VPS8: variants seen among roughly 807,000 people sequenced by gnomAD.
The protein encoded by VPS8 is VPS8 subunit of CORVET complex, also known as vacuolar protein sorting-associated protein 8 homolog.
VPS8 carries 129 observed loss-of-function variants against 216.4 expected under a neutral mutation model. The observed-to-expected ratio is 0.60, with a 90% CI of 0.52 to 0.69. The LOEUF is 0.69. Among genes scored for constraint, VPS8 ranks in the 30% least tolerant of loss-of-function variants. VPS8 has a pLI of 0.00. For synonymous variants in VPS8, 571 were observed against 565.4 expected, an observed-to-expected ratio of 1.01 and a Z score of -0.14; for missense variants, 1,531 against 1,683.5, an observed-to-expected ratio of 0.91 and a Z score of 1.59.
At chr3:184,868,742 G>A (rs1462404758) in intron 18 of VPS8, among the ~76,000 whole-genome samples, 1 of 152,086 alleles carries the variant, frequency 6.6e-6, no homozygotes, top group Non-Finnish European at 1.5e-5. Context: ...TAGGCCCCGT[G>A]GCTCTCTATA....
intron 34 of VPS8, among the ~76,000 whole-genome samples, chr3:184,931,279 A>G (rs1578302520): frequency 6.6e-6 from 1 of 152,182 alleles, no homozygotes; most frequent in African/African-American, 2.4e-5. Context: ...TATTTTATCT[A>G]TTCTGTTTAT....
chr3:184,934,679 T>G (rs531414630), intron 34 of VPS8, among the ~76,000 whole-genome samples: 1 of 152,348 alleles, frequency 6.6e-6, no homozygotes, highest in Non-Finnish European at 1.5e-5. Flanking sequence ...TGTGTTAAAT[T>G]TTATTGGTAT....
intron 8 of VPS8, among the ~76,000 whole-genome samples, chr3:184,845,874 G>GT (rs145207366): frequency 0.027 from 4,086 of 150,716 alleles, 198 homozygotes; most frequent in African/African-American, 0.095. Flanking sequence ...CATCACTGCT[G>GT]TTTTTTTTTA....
chr3:184,894,508 GTATATATATATATA>G (rs756172890), intron 22 of VPS8, among the ~76,000 whole-genome samples, 181 bp from the exon 23 acceptor site: 2 of 133,128 alleles, frequency 1.5e-5, no homozygotes, highest in Non-Finnish European at 3.2e-5. Flanking sequence ...ATATACACAC[GTATATATATATATA>G]TATATATATA....
In VPS8 at chr3:184,994,020, A is replaced by G. The variant is rs756847714; in HGVS notation, c.3623A>G (p.Gln1208Arg). 6.4e-7 allele frequency: 1 copy of G among 1,569,086 alleles called. No individual in the cohort carries two copies. The highest frequency in any genetic ancestry group is 8.6e-7 in the Non-Finnish European group (1 of 1,157,816). ...VYGKGKLGEIQGLILGMLDTF... is the reference protein window; with the variant it reads ...VYGKGKLGEIRGLILGMLDTF... The stretch of plus-strand genomic sequence containing the variant: ...GGAAAAGGAAAACTTGGAGAAATCC[A>G]GGGACTTATCTTGGGAATGTTAGAT... Residue 1208 changes from glutamine (Q) to arginine (R), a missense_variant, in exon 43 of 48, where the codon CAG (glutamine) becomes CGG (arginine). Coordinates refer to ENST00000625842, the MANE Select transcript of VPS8 (RefSeq NM_001009921.3).
chr3:185,026,200 AT>A (rs559640625), intron 46 of VPS8, among the ~76,000 whole-genome samples: 18 of 152,328 alleles, frequency 1.2e-4, no homozygotes, highest in African/African-American at 2.9e-4. Flanking sequence ...GATAAAAAAA[AT>A]AATGATACAA....
chr3:184,993,965 G>T lies in VPS8; in HGVS notation c.3586-18G>T. On this transcript the variant is annotated intron_variant, in intron 42 of 47. Transcript: ENST00000625842. The stretch of plus-strand genomic sequence containing the variant: ...TAAAATACAGAATTGTAACAGAATT[G>T]TAATTTTTTCCGATTAGGATCCAGT... 6.6e-7 allele frequency: 1 copy of T among 1,520,030 alleles called. No individual in the cohort carries two copies. The highest frequency in any genetic ancestry group is 2.4e-5 in the East Asian group (1 of 41,494). 94.2% of individuals were successfully genotyped at this position (1,520,030 alleles called of 1,614,324 possible).
chr3:185,016,953 T>A (rs1755885447), intron 45 of VPS8, among the ~76,000 whole-genome samples: 2 of 151,976 alleles, frequency 1.3e-5, no homozygotes, highest in African/African-American at 4.8e-5. Context: ...TCCTAAACTT[T>A]GGTAGGAACT....
At chr3:184,992,340 A>G (rs1752009324) in intron 42 of VPS8, among the ~76,000 whole-genome samples, 1 of 152,146 alleles carries the variant, frequency 6.6e-6, no homozygotes, top group Non-Finnish European at 1.5e-5. Context: ...TTAGTTTATC[A>G]TTTACTTACC....
intron 46 of VPS8, among the ~76,000 whole-genome samples, chr3:185,040,690 T>C (rs1240796535): frequency 6.6e-6 from 1 of 152,182 alleles, no homozygotes; most frequent in African/African-American, 2.4e-5. Context: ...TAAACTTTTT[T>C]AGCAGCCATT....
intron 46 of VPS8, among the ~76,000 whole-genome samples, chr3:185,036,398 G>A (rs1758889461): frequency 6.6e-6 from 1 of 152,136 alleles, no homozygotes; most frequent in Non-Finnish European, 1.5e-5. Context: ...GCTTGGTACT[G>A]TTACAAAACA....
At chr3:184,988,157 G>A (rs1022156545) in intron 42 of VPS8, among the ~76,000 whole-genome samples, 2 of 152,160 alleles carry the variant, frequency 1.3e-5, no homozygotes, top group Non-Finnish European at 2.9e-5. Context: ...CAGCAGAAGT[G>A]TTTGCTTTTA....
intron 36 of VPS8, among the ~76,000 whole-genome samples, chr3:184,955,685 G>A (rs150735211): frequency 6.6e-6 from 1 of 152,044 alleles, no homozygotes; most frequent in African/African-American, 2.4e-5. Context: ...CGTAGGACTG[G>A]ACCCTACACG....
intron 25 of VPS8, among the ~76,000 whole-genome samples, chr3:184,901,820 G>A (rs968394069): frequency 1.3e-5 from 2 of 151,984 alleles, no homozygotes; most frequent in African/African-American, 4.8e-5. Context: ...TGGAATGGCT[G>A]GATTGTATGG....
chr3:185,032,717 G>A (rs1046333920), intron 46 of VPS8, among the ~76,000 whole-genome samples: 1 of 151,936 alleles, frequency 6.6e-6, no homozygotes, highest in Non-Finnish European at 1.5e-5. Context: ...CCAGGCTGGA[G>A]TGCAGTGGCG....
At chr3:185,020,284 G>T (rs181630771) in intron 45 of VPS8, among the ~76,000 whole-genome samples, 1 of 152,276 alleles carries the variant, frequency 6.6e-6, no homozygotes, top group East Asian at 1.9e-4. Flanking sequence ...GAAGAATATT[G>T]ATATGTCGAA....
chr3:184,923,729 T>C (rs1739070585), intron 29 of VPS8, among the ~76,000 whole-genome samples: 1 of 152,196 alleles, frequency 6.6e-6, no homozygotes, highest in South Asian at 2.1e-4. Context: ...AATATTGTTG[T>C]TCCCCTTAAC....
chr3:184,861,344 T>C (rs1726340065), intron 15 of VPS8, among the ~76,000 whole-genome samples: 1 of 152,168 alleles, frequency 6.6e-6, no homozygotes, highest in African/African-American at 2.4e-5. Flanking sequence ...ATAAAAAGAA[T>C]GAAAAAGTGC....
chr3:184,869,474 C>T lies in VPS8; in HGVS notation c.1598-8C>T. 1 of 1,613,086 alleles carries T rather than the reference C, an allele frequency of 6.2e-7. No homozygotes were observed. The highest frequency in any genetic ancestry group is 1.1e-5 in the South Asian group (1 of 90,988). On this transcript the variant is annotated splice_polypyrimidine_tract_variant and splice_region_variant and intron_variant, in intron 19 of 47. Coordinates refer to ENST00000625842, the MANE Select transcript of VPS8 (RefSeq NM_001009921.3). ...TTTGTTTTTTTGTTGGATTTTCCTT[C>T]TCTGCAGGATTATCAGGGGATGCCA...
Sources: gnomAD v4.1 joint callset for allele counts (sites outside exome capture counted in the v4.1 genomes callset) on GRCh38, gnomAD v4.1.1 for gene constraint, MANE v1.5 for transcripts, NCBI Gene and HGNC (gene_info 2026-07-23, HGNC 2026-07-21) for gene names.